The following DDX10 variants were observed in gnomAD, a reference collection of about 807,000 sequenced individuals.
The protein encoded by DDX10 is DEAD-box helicase 10, also known as probable ATP-dependent RNA helicase DDX10.
Under a neutral mutation model 104.3 loss-of-function variants are expected in DDX10, and 74 were observed. The observed-to-expected ratio is 0.71, with a 90% CI of 0.59 to 0.86. The LOEUF (loss-of-function observed/expected upper bound fraction) is 0.86, where lower values mean the gene tolerates loss of function less well. Ranked by LOEUF, DDX10 falls within the 40% of genes least tolerant of loss-of-function variation. The pLI, the probability that DDX10 is intolerant of heterozygous loss-of-function variation, is 0.00. For synonymous variants in DDX10, 351 were observed against 353.4 expected (o/e 0.99, Z 0.08); for missense variants, 952 against 1,040.0 (o/e 0.92, Z 1.16).
At chr11:108,742,559 C>A (rs763736186) in intron 13 of DDX10, among the ~76,000 whole-genome samples, 2 of 152,070 alleles carry the variant, frequency 1.3e-5, no homozygotes, top group African/African-American at 2.4e-5. Context: ...AGTGAGACTC[C>A]ATTTCAAAAA....
At chr11:108,865,194 C>T (rs1005232030) in intron 16 of DDX10, among the ~76,000 whole-genome samples, 9 of 152,038 alleles carry the variant, frequency 5.9e-5, no homozygotes, top group African/African-American at 2.2e-4. Context: ...TAGGTGGAAC[C>T]ATTGCTGACT....
chr11:108,754,575 T>A (rs576029347), intron 13 of DDX10, among the ~76,000 whole-genome samples: 70 of 152,054 alleles, frequency 4.6e-4, no homozygotes, highest in Admixed American at 3.5e-3. Flanking sequence ...AAAATGTTCC[T>A]ATGAAAAGAT....
At position 108,678,402 on chromosome 11, in the gene DDX10, G is replaced by A. The variant is rs2094229177; in HGVS notation, c.625G>A (p.Val209Ile). The A allele has an allele frequency of 6.2e-7, 1 of 1,610,930 alleles. No homozygotes were observed. Among genetic ancestry groups the A allele is most frequent in the African/African-American group, 1.3e-5 (1 of 74,800 alleles). ...GCTTCTTCAACACATGGATGAAACA[G>A]TATCTTTTCATGCTACCGACCTCCA... ...GRLLQHMDET[V>I]SFHATDLQML... Residue 209 changes from valine to isoleucine, a missense_variant, in exon 5 of 18, where the codon GTA (valine) becomes ATA (isoleucine). Val to Ile is a conservative substitution (Grantham distance 29). Around this residue, in one of 3 missense-constraint regions of DDX10, gnomAD observed 412 missense variants for 479.2 expected, o/e 0.86. Coordinates refer to ENST00000322536, the MANE Select transcript of DDX10 (RefSeq NM_004398.4).
intron 16 of DDX10, among the ~76,000 whole-genome samples, chr11:108,895,259 A>T: frequency 6.8e-6 from 1 of 146,740 alleles, no homozygotes. Context: ...TGAATAAGTG[A>T]TTTTTTTTTT....
intron 12 of DDX10, 103 bp downstream of exon 12, chr11:108,719,988 A>C: frequency 4.0e-6 from 3 of 759,192 alleles, no homozygotes; most frequent in Non-Finnish European, 6.8e-6. Flanking sequence ...AGGCTGTCTC[A>C]AACCCCTGTG....
intron 16 of DDX10, among the ~76,000 whole-genome samples, chr11:108,916,029 T>C (rs985759210): frequency 1.2e-4 from 18 of 151,508 alleles, no homozygotes; most frequent in African/African-American, 4.1e-4. Flanking sequence ...TACAGTATAT[T>C]AAATGAATAA....
Position 108,759,564 on chromosome 11 carries a change from G to GA in DDX10, c.1965+36103dup, listed in dbSNP as rs1459218940. On this transcript the variant is annotated intron_variant, in intron 13 of 17. Transcript: ENST00000322536. The stretch of plus-strand genomic sequence containing the variant: ...TCTAGAATGTGCATTTAGATTTTAA[G>GA]ATTGTCATTGAAATGCAAAATTAAA... 3.3e-5 allele frequency among the ~76,000 whole-genome samples: 5 copies of GA among 151,954 alleles called. No individual in the cohort carries two copies. In the East Asian group the frequency reaches 9.6e-4, roughly 29 times the overall value.
At chr11:108,931,139 A>T (rs1429472820) in intron 17 of DDX10, among the ~76,000 whole-genome samples, 1 of 152,172 alleles carries the variant, frequency 6.6e-6, no homozygotes, top group Non-Finnish European at 1.5e-5. Flanking sequence ...GCAAGACCGT[A>T]TCTCAGGGGG....
intron 16 of DDX10, among the ~76,000 whole-genome samples, chr11:108,889,681 G>C (rs185322458): frequency 1.3e-5 from 2 of 152,260 alleles, no homozygotes; most frequent in African/African-American, 4.8e-5. Context: ...TTTAATCATA[G>C]AATAGCCATT....
intron 9 of DDX10, among the ~76,000 whole-genome samples, chr11:108,699,292 C>T (rs750797375): frequency 2.6e-5 from 4 of 152,148 alleles, no homozygotes; most frequent in South Asian, 2.1e-4. Context: ...CATTTATTAT[C>T]GCAGCAACCA....
chr11:108,937,813 G>A (rs1864055619), intron 17 of DDX10, among the ~76,000 whole-genome samples: 1 of 152,054 alleles, frequency 6.6e-6, no homozygotes, highest in Non-Finnish European at 1.5e-5. Flanking sequence ...AGGCCTTTTG[G>A]TGTGCTGAGT....
At position 108,677,356 on chromosome 11, in the gene DDX10, G is replaced by T. The variant is rs180820574; in HGVS notation, c.537+113G>T. On this transcript the variant is annotated intron_variant, in intron 4 of 17. Coordinates refer to ENST00000322536, the MANE Select transcript of DDX10 (RefSeq NM_004398.4). The stretch of plus-strand genomic sequence containing the variant: ...ATCTAAACAGACTGACCTAGACCAG[G>T]GCCTCATGGGATAGTAGCACTTGGT... 8 of 918,034 alleles carry T rather than the reference G, an allele frequency of 8.7e-6. No homozygotes were observed. The Admixed American group carries it at 1.7e-4, about 20-fold the overall frequency. 56.9% of individuals were successfully genotyped at this position (918,034 alleles called of 1,614,324 possible). A position where few individuals can be genotyped will look rare whatever the true frequency, so the allele number is the denominator to read the frequency against.
chr11:108,813,674 C>G (rs973197847), intron 13 of DDX10, among the ~76,000 whole-genome samples: 2 of 152,000 alleles, frequency 1.3e-5, no homozygotes, highest in Admixed American at 6.6e-5. Flanking sequence ...AGAATAAACC[C>G]TGGGAGAATT....
At chr11:108,678,088 A>G (rs2094228522) in intron 4 of DDX10, among the ~76,000 whole-genome samples, 3 of 152,134 alleles carry the variant, frequency 2.0e-5, no homozygotes, top group Admixed American at 2.0e-4. Context: ...AATCCTGGGT[A>G]TGAATAAGAA....
At position 108,791,021 on chromosome 11, in the gene DDX10, T is replaced by C. The variant is rs191831265; in HGVS notation, c.1966-47425T>C. ...TCTACTTTATAATGTGGTTTTGATA[T>C]TCTTCCCACAACGAGGTGGAGTCTG... On this transcript the variant is annotated intron_variant, in intron 13 of 17. Coordinates refer to ENST00000322536, the MANE Select transcript of DDX10 (RefSeq NM_004398.4). 8.9e-4 allele frequency among the ~76,000 whole-genome samples: 135 copies of C among 152,366 alleles called. 1 individual carries two copies. Among genetic ancestry groups the C allele is most frequent in the African/African-American group, 3.2e-3 (132 of 41,592 alleles).
chr11:108,825,559 A>G (rs1862384911), intron 13 of DDX10, among the ~76,000 whole-genome samples: 1 of 152,196 alleles, frequency 6.6e-6, no homozygotes, highest in Non-Finnish European at 1.5e-5. Flanking sequence ...ATCACTGCAT[A>G]TCTATGTAGT....
intron 16 of DDX10, among the ~76,000 whole-genome samples, chr11:108,859,684 G>A (rs1862915339): frequency 6.6e-6 from 1 of 152,132 alleles, no homozygotes; most frequent in Non-Finnish European, 1.5e-5. Flanking sequence ...GGATTTATAG[G>A]CACATCTAGC....
intron 8 of DDX10, among the ~76,000 whole-genome samples, chr11:108,692,783 G>A (rs888791892): frequency 1.3e-5 from 2 of 151,994 alleles, no homozygotes; most frequent in Non-Finnish European, 2.9e-5. Context: ...GAGTACAGTA[G>A]CATGATCATA....
At chr11:108,808,378 G>A (rs1862130024) in intron 13 of DDX10, among the ~76,000 whole-genome samples, 1 of 151,916 alleles carries the variant, frequency 6.6e-6, no homozygotes, top group African/African-American at 2.4e-5. Context: ...TTGGATGATA[G>A]TAGCTTTTAT....
Sources: allele counts gnomAD v4.1 joint callset (sites outside exome capture counted in the v4.1 genomes callset), GRCh38; gene constraint gnomAD v4.1.1; regional missense constraint gnomAD v4.1.1; transcripts MANE v1.5; gene names NCBI Gene and HGNC (gene_info 2026-07-23, HGNC 2026-07-21).